Variants in SLC37A2 observed in about 807,000 individuals in gnomAD.
The protein encoded by SLC37A2 is solute carrier family 37 member 2.
A neutral mutation model predicts 70.7 loss-of-function variants in SLC37A2; 59 were observed. That is an observed-to-expected ratio of 0.83 (90% CI 0.68 to 1.04). The LOEUF (loss-of-function observed/expected upper bound fraction) is 1.04, where lower values mean the gene tolerates loss of function less well. SLC37A2 is among the 50% of genes least tolerant of loss of function. The probability of loss-of-function intolerance (pLI) is 0.00; values close to 1 mark genes in which losing one functional copy is unlikely to be tolerated. For missense variants in SLC37A2, 580 were observed against 658.1 expected (o/e 0.88, Z 1.30); for synonymous variants, 257 against 262.1 (o/e 0.98, Z 0.19).
chr11:125,069,106 A>T (rs1405447913), intron 1 of SLC37A2, among the ~76,000 whole-genome samples: 1 of 152,230 alleles, frequency 6.6e-6, no homozygotes, highest in Non-Finnish European at 1.5e-5. Flanking sequence ...AACACTAATG[A>T]TTGACTATAT....
intron 4 of SLC37A2, 51 bp from the exon 5 acceptor site, chr11:125,079,061 T>C (rs1949119484): frequency 6.2e-7 from 1 of 1,611,500 alleles, no homozygotes; most frequent in East Asian, 2.2e-5. Flanking sequence ...GGTAGGGAGT[T>C]GAGGTGGACA....
intron 1 of SLC37A2, 89 bp from the exon 2 acceptor site, chr11:125,076,668 G>T: frequency 1.6e-6 from 2 of 1,229,842 alleles, no homozygotes; most frequent in Non-Finnish European, 1.2e-6. Flanking sequence ...CCCTGGGACT[G>T]CCAGAGGGGA....
chr11:125,067,969 A>G (rs1948997606), intron 1 of SLC37A2, among the ~76,000 whole-genome samples: 2 of 152,200 alleles, frequency 1.3e-5, no homozygotes, highest in African/African-American at 4.8e-5. Flanking sequence ...TATATTAGTT[A>G]TATCTTTTAA....
chr11:125,078,210 G>C (rs149458057), intron 4 of SLC37A2, among the ~76,000 whole-genome samples: 24 of 152,354 alleles, frequency 1.6e-4, no homozygotes, highest in Admixed American at 3.3e-4. Context: ...ATGATCTACG[G>C]GAGGAACCGC....
chr11:125,075,843 C>A (rs73625341), intron 1 of SLC37A2, among the ~76,000 whole-genome samples: 10,886 of 152,246 alleles, frequency 0.072, 830 homozygotes, highest in African/African-American at 0.19. Flanking sequence ...AGCCCTCCCA[C>A]CCTTTTTCCT....
chr11:125,063,408 C>T lies in SLC37A2; in HGVS notation c.41C>T (p.Ala14Val), dbSNP rs777690109. ...SLAPGVWFFR[A>V]FSRDSWFRGL... is the part of the protein sequence containing the mutation. ...GCTCCGGGAGTCTGGTTCTTCCGGG[C>T]CTTCTCCAGGGACAGCTGGTGAGCG... Residue 14 changes from alanine to valine, a missense_variant, in exon 1 of 18, where the codon GCC (alanine) becomes GTC (valine). Physicochemically the swap from Ala to Val is moderately conservative, Grantham distance 64. Transcript: ENST00000403796. The surrounding 1 kb of genome is among the most constrained non-coding windows in gnomAD (Gnocchi z 5.4). The T allele has an allele frequency of 6.2e-7, 1 of 1,611,810 alleles. No homozygotes were observed. Among genetic ancestry groups the T allele is most frequent in the Non-Finnish European group, 8.5e-7 (1 of 1,179,190 alleles).
chr11:125,088,047 C>T, intron 17 of SLC37A2, 72 bp from the exon 18 acceptor site: 3 of 1,514,536 alleles, frequency 2.0e-6, no homozygotes, highest in Non-Finnish European at 2.7e-6. Flanking sequence ...CCTGCCTTTC[C>T]TCTCCCTACT....
Position 125,063,498 on chromosome 11 carries a change from T to A in SLC37A2, c.59+72T>A. The A allele has an allele frequency of 7.1e-7, 1 of 1,410,786 alleles. No individual in the cohort carries two copies. Among genetic ancestry groups the A allele is most frequent in the Non-Finnish European group, 9.8e-7 (1 of 1,024,814 alleles). 87.4% of individuals were successfully genotyped at this position (1,410,786 alleles called of 1,614,324 possible). On this transcript the variant is annotated intron_variant, in intron 1 of 17. Transcript: ENST00000403796. The surrounding 1 kb of genome is among the most constrained non-coding windows in gnomAD (Gnocchi z 5.4). ...GGGCTTGCAGGGGCCGCGGGGGGCC[T>A]CGGAGATCACCCCAGATCGGCCCCG...
At chr11:125,081,617 T>A in intron 8 of SLC37A2, 137 bp from the exon 9 acceptor site, 1 of 1,388,460 alleles carries the variant, frequency 7.2e-7, no homozygotes, top group Non-Finnish European at 9.7e-7. Flanking sequence ...CTGATGAGTC[T>A]GGCAGGTCAG....
At chr11:125,074,372 A>G (rs1949060966) in intron 1 of SLC37A2, among the ~76,000 whole-genome samples, 1 of 151,836 alleles carries the variant, frequency 6.6e-6, no homozygotes, top group Non-Finnish European at 1.5e-5. Context: ...CCGCTCACGG[A>G]TTCTCTTGCT....
At chr11:125,065,389 C>T (rs1029215928) in intron 1 of SLC37A2, among the ~76,000 whole-genome samples, 1 of 152,034 alleles carries the variant, frequency 6.6e-6, no homozygotes, top group African/African-American at 2.4e-5. Flanking sequence ...ATAAGGAATC[C>T]TAGATTAGAT....
intron 17 of SLC37A2, chr11:125,086,392 C>T (rs1949215977): frequency 1.3e-6 from 1 of 778,486 alleles, no homozygotes; most frequent in Non-Finnish European, 2.3e-6. Context: ...GACTTTCAAC[C>T]TCAGCAGAGC....
In SLC37A2 at chr11:125,083,693, C is replaced by T. The variant is rs1949173465; in HGVS notation, c.977-122C>T. The T allele has an allele frequency of 1.1e-6, 1 of 875,050 alleles. No homozygotes were observed. Among genetic ancestry groups the T allele is most frequent in the Non-Finnish European group, 1.9e-6 (1 of 536,602 alleles). The allele number at this position is 875,050 out of a possible 1,614,324, so 54.2% of individuals were successfully genotyped here. A position where few individuals can be genotyped will look rare whatever the true frequency, so the allele number is the denominator to read the frequency against. On this transcript the variant is annotated intron_variant, in intron 10 of 17. Coordinates refer to ENST00000403796, the MANE Select transcript of SLC37A2 (RefSeq NM_001145290.2). The surrounding 1 kb of genome is among the most constrained non-coding windows in gnomAD (Gnocchi z 4.6). ...CCTGGCCAGCCTGCTCCACAGGTCC[C>T]CAGCTCTTCCTCGGAAAAGGGGGCA...
Position 125,084,868 on chromosome 11 carries a change from C to A in SLC37A2, c.1169C>A (p.Ser390Tyr). 1 of 1,613,670 alleles carries A rather than the reference C, an allele frequency of 6.2e-7. No individual in the cohort carries two copies. The highest frequency in any genetic ancestry group is 8.5e-7 in the Non-Finnish European group (1 of 1,179,850). The change falls in exon 13 of 18, where the codon TCC becomes TAC. Residue 390 changes from serine to tyrosine, a missense_variant. Ser to Tyr is a moderately radical substitution (Grantham distance 144). Coordinates refer to ENST00000403796, the MANE Select transcript of SLC37A2 (RefSeq NM_001145290.2). ...NYIGQDGIASSIVMLIICGGL... is the reference protein window; with the variant it reads ...NYIGQDGIASYIVMLIICGGL... ...ATTGGCCAGGACGGGATTGCCAGCTCCATAGGTGAGGAGGAGGTTGCAAGT... is the reference window on the plus strand; with the variant it reads ...ATTGGCCAGGACGGGATTGCCAGCTACATAGGTGAGGAGGAGGTTGCAAGT...
chr11:125,083,885 C>T lies in SLC37A2; in HGVS notation c.1039+8C>T, dbSNP rs541128493. 3.1e-6 allele frequency: 5 copies of T among 1,613,738 alleles called. No homozygotes were observed. Among genetic ancestry groups the T allele is most frequent in the East Asian group, 2.2e-5 (1 of 44,880 alleles). ...ATGTTGGTGGCATCATAGGTGAGGC[C>T]TTGCCCTGCTCTGCCAGCAGGCTCC... On this transcript the variant is annotated splice_region_variant and intron_variant, in intron 11 of 17. Transcript: ENST00000403796. This position sits in a 1 kb window ranked among gnomAD's most constrained non-coding sequence, Gnocchi z 4.6.
In SLC37A2 at chr11:125,063,336, G is replaced by A; in HGVS notation, c.-32G>A. ...CGCGCCCAGCTCTGTAGCCTCCTCC[G>A]TCGACTCAGCCTTAGGTACCGGTCA... On this transcript the variant is annotated 5_prime_UTR_variant, in exon 1 of 18. Transcript: ENST00000403796. This position sits in a 1 kb window ranked among gnomAD's most constrained non-coding sequence, Gnocchi z 5.4. 6.3e-7 allele frequency: 1 copy of A among 1,598,172 alleles called. No individual in the cohort carries two copies.
In SLC37A2 at chr11:125,079,178, T is replaced by C. The variant is rs1949121877; in HGVS notation, c.381T>C (p.Leu127=). 6.2e-7 allele frequency: 1 copy of C among 1,614,098 alleles called. No individual in the cohort carries two copies. The highest frequency in any genetic ancestry group is 1.3e-5 in the African/African-American group (1 of 74,938). Residue 127 remains leucine (L), a synonymous_variant, in exon 5 of 18, where the codon CTT becomes CTC. Transcript: ENST00000403796. The part of the protein sequence containing the change: ...YLSAGMLLSG[L]FTSLFGLGYF... Reference sequence around the variant, plus strand: ...CAGCTGGAATGCTGCTCAGTGGCCTTTTCACCTCGCTCTTTGGCCTGGGAT... The same window carrying C: ...CAGCTGGAATGCTGCTCAGTGGCCTCTTCACCTCGCTCTTTGGCCTGGGAT...
At position 125,088,300 on chromosome 11, in the gene SLC37A2, C is replaced by G; in HGVS notation, c.*166C>G. 1.4e-6 allele frequency: 1 copy of G among 723,474 alleles called. No individual in the cohort carries two copies. The highest frequency in any genetic ancestry group is 2.3e-6 in the Non-Finnish European group (1 of 443,116). The allele number at this position is 723,474 out of a possible 1,614,324, so 44.8% of individuals were successfully genotyped here. The stretch of plus-strand genomic sequence containing the variant: ...GGCTGCCTAAGGACACAGAGATTCT[C>G]CATGGGAAGGGGACTGCCAAGCATG... On this transcript the variant is annotated 3_prime_UTR_variant, in exon 18 of 18. Transcript: ENST00000403796.
Position 125,063,889 on chromosome 11 carries a change from C to T in SLC37A2, c.59+463C>T, listed in dbSNP as rs114953703. ...TCCTTTAGCCCTCGAACACCAAGGC[C>T]AGAACTCAGTGGTCCTGGGAGCTCG... On this transcript the variant is annotated intron_variant, in intron 1 of 17. Transcript: ENST00000403796. This position sits in a 1 kb window ranked among gnomAD's most constrained non-coding sequence, Gnocchi z 5.4. Among the ~76,000 whole-genome samples the T allele has an allele frequency of 0.015, 2,221 of 152,274 alleles. 53 individuals carry two copies. The highest frequency in any genetic ancestry group is 0.051 in the African/African-American group (2,111 of 41,548).
Sources: allele counts gnomAD v4.1 joint callset (sites outside exome capture counted in the v4.1 genomes callset), GRCh38; gene constraint gnomAD v4.1.1; non-coding constraint Gnocchi (gnomAD v3.1); transcripts MANE v1.5; gene names NCBI Gene and HGNC (gene_info 2026-07-23, HGNC 2026-07-21).